The following SYAP1 variants were observed in gnomAD, a reference collection of about 807,000 sequenced individuals.
The protein encoded by SYAP1 is synapse-associated protein 1.
Under a neutral mutation model 29.6 loss-of-function variants are expected in SYAP1, and 3 were observed. The observed-to-expected ratio is 0.10, with a 90% CI of 0.05 to 0.26. SYAP1 has a LOEUF of 0.26. Among genes scored for constraint, SYAP1 ranks in the 10% least tolerant of loss-of-function variants. The pLI, the probability that SYAP1 is intolerant of heterozygous loss-of-function variation, is 1.00. For missense variants in SYAP1, 217 were observed against 264.1 expected (o/e 0.82, Z 1.24); for synonymous variants, 102 against 102.7 (o/e 0.99, Z 0.04).
Position 16,742,638 on chromosome X carries a change from A to G in SYAP1, c.435+849A>G, listed in dbSNP as rs143271139. ...TTTTGTTTTGTTTTTGTTTTAAGAG[A>G]CACAGTCTCAATTGGTCATCCAGGA... On this transcript the variant is annotated intron_variant, in intron 4 of 8. Transcript: ENST00000380155. Among the ~76,000 whole-genome samples the G allele has an allele frequency of 5.3e-3, 596 of 112,054 alleles. 7 individuals are homozygous for G. Among genetic ancestry groups the G allele is most frequent in the African/African-American group, 0.018 (557 of 30,884 alleles).
chrX:16,729,041 AAAAAAAAAAAG>A (rs1926145885), intron 1 of SYAP1, among the ~76,000 whole-genome samples: 1 of 89,086 alleles, frequency 1.1e-5, no homozygotes, highest in African/African-American at 4.3e-5. Flanking sequence ...GCTATCTCGA[AAAAAAAAAAAG>A]AAAAAAAAAA....
chrX:16,728,525 C>G (rs746964301), intron 1 of SYAP1, among the ~76,000 whole-genome samples: 5 of 110,472 alleles, frequency 4.5e-5, no homozygotes, highest in African/African-American at 1.6e-4. Context: ...CAAAATTAGG[C>G]ATGATGGCGG....
At chrX:16,745,411 C>T (rs1355986876) in intron 5 of SYAP1, among the ~76,000 whole-genome samples, 1 of 111,954 alleles carries the variant, frequency 8.9e-6, no homozygotes, top group East Asian at 2.8e-4. Context: ...CTGCAGACAA[C>T]TCAGTACAGT....
chrX:16,750,480 C>A lies in SYAP1; in HGVS notation c.576-4465C>A, dbSNP rs906036297. Among the ~76,000 whole-genome samples, 25 of 111,431 alleles carry A rather than the reference C, an allele frequency of 2.2e-4. 1 individual carries two copies. Among genetic ancestry groups the A allele is most frequent in the Non-Finnish European group, 4.3e-4 (23 of 53,143 alleles). On this transcript the variant is annotated intron_variant, in intron 5 of 8. Coordinates refer to ENST00000380155, the MANE Select transcript of SYAP1 (RefSeq NM_032796.4). ...GATGGCAGACAACTTGTCTTATTCC[C>A]CCAGCACCCAGCATAGCGCCTGATG...
intron 4 of SYAP1, 61 bp from the exon 5 acceptor site, chrX:16,743,640 A>G (rs898683437): frequency 9.0e-7 from 1 of 1,114,002 alleles, no homozygotes; most frequent in Non-Finnish European, 1.2e-6. Context: ...AAAAAAAAAA[A>G]TTGTTATCTA....
At chrX:16,750,087 C>T (rs1314466840) in intron 5 of SYAP1, among the ~76,000 whole-genome samples, 1 of 111,196 alleles carries the variant, frequency 9.0e-6, no homozygotes, top group Non-Finnish European at 1.9e-5. Flanking sequence ...TAATCCCTCA[C>T]CATCCAGGTG....
chrX:16,741,698 C>T lies in SYAP1; in HGVS notation c.362-18C>T. 1.7e-6 allele frequency: 2 copies of T among 1,157,959 alleles called. No homozygotes were observed. The highest frequency in any genetic ancestry group is 2.3e-6 in the Non-Finnish European group (2 of 859,609). On this transcript the variant is annotated intron_variant, in intron 3 of 8. Coordinates refer to ENST00000380155, the MANE Select transcript of SYAP1 (RefSeq NM_032796.4). The stretch of plus-strand genomic sequence containing the variant: ...CTATTTTTTTCTCTTTTCTTCTTTG[C>T]CATTAAAAACTGTATAGAAGCAGCT...
Position 16,719,666 on chromosome X carries a change from C to T in SYAP1, c.-59C>T, listed in dbSNP as rs1167212058. On this transcript the variant is annotated 5_prime_UTR_variant, in exon 1 of 9. Coordinates refer to ENST00000380155, the MANE Select transcript of SYAP1 (RefSeq NM_032796.4). Reference sequence around the variant, plus strand: ...GAGTCGCGCAGAGTGGAGTCAAAGGCAACCAGTGCTCGCTGCGGTCTCTGG... The same window carrying T: ...GAGTCGCGCAGAGTGGAGTCAAAGGTAACCAGTGCTCGCTGCGGTCTCTGG... The T allele has an allele frequency of 6.9e-6, 8 of 1,155,767 alleles. No homozygotes were observed. The highest frequency in any genetic ancestry group is 3.2e-5 in the East Asian group (1 of 31,700).
chrX:16,741,505 G>GT (rs11364120), intron 3 of SYAP1, among the ~76,000 whole-genome samples: 1,483 of 100,545 alleles, frequency 0.015, 33 homozygotes, highest in African/African-American at 0.051. Context: ...CTCAAGTAGA[G>GT]TTTTTTTTTT....
chrX:16,729,527 C>T (rs1926161398), intron 1 of SYAP1, among the ~76,000 whole-genome samples: 2 of 107,559 alleles, frequency 1.9e-5, no homozygotes, highest in African/African-American at 6.8e-5. Flanking sequence ...ACTTTGTCAC[C>T]CAGGCTGGAG....
chrX:16,756,995 C>T (rs767319956), intron 7 of SYAP1, among the ~76,000 whole-genome samples, 167 bp from the exon 8 acceptor site: 1 of 112,365 alleles, frequency 8.9e-6, no homozygotes, highest in Admixed American at 9.5e-5. Context: ...CATGTAGTTA[C>T]CAAGCAACTG....
chrX:16,741,564 A>G, intron 3 of SYAP1, 152 bp from the exon 4 acceptor site: 1 of 400,273 alleles, frequency 2.5e-6, no homozygotes, highest in Admixed American at 4.7e-5. Context: ...AAGTCTGGTT[A>G]TTACGGTTAA....
intron 5 of SYAP1, among the ~76,000 whole-genome samples, chrX:16,745,204 C>T (rs1315118329): frequency 8.9e-6 from 1 of 112,133 alleles, no homozygotes; most frequent in East Asian, 2.8e-4. Context: ...TGCCTGGCTG[C>T]AGGCAGGACA....
At chrX:16,720,363 C>T (rs1028220999) in intron 1 of SYAP1, among the ~76,000 whole-genome samples, 20 of 112,192 alleles carry the variant, frequency 1.8e-4, no homozygotes, top group African/African-American at 6.2e-4. Context: ...ATGTCTGCCC[C>T]GGTCAAATGC....
chrX:16,744,757 G>A (rs769425704), intron 5 of SYAP1, among the ~76,000 whole-genome samples: 24 of 111,099 alleles, frequency 2.2e-4, no homozygotes, highest in Admixed American at 1.8e-3. Context: ...ATGTGAGGCC[G>A]AGTTCGAGAC....
At chrX:16,740,347 T>C (rs891887693) in intron 3 of SYAP1, among the ~76,000 whole-genome samples, 8 of 108,476 alleles carry the variant, frequency 7.4e-5, no homozygotes, top group Non-Finnish European at 1.3e-4. Flanking sequence ...CATTTCTTTT[T>C]TTTTTTTTTT....
intron 1 of SYAP1, among the ~76,000 whole-genome samples, chrX:16,734,996 C>CAAAAAAAA (rs1213395857): frequency 5.0e-4 from 5 of 9,911 alleles, no homozygotes; most frequent in Admixed American, 1.5e-3. Context: ...GAGACTGTCT[C>CAAAAAAAA]AAAAAAAAAA....
intron 1 of SYAP1, among the ~76,000 whole-genome samples, chrX:16,723,571 G>A (rs1926014362): frequency 9.0e-6 from 1 of 111,224 alleles, no homozygotes; most frequent in Non-Finnish European, 1.9e-5. Flanking sequence ...CTGGAAGTGG[G>A]GCTACCTGGA....
intron 5 of SYAP1, among the ~76,000 whole-genome samples, chrX:16,745,769 T>G (rs1926586676): frequency 9.1e-6 from 1 of 109,508 alleles, no homozygotes; most frequent in Non-Finnish European, 1.9e-5. Flanking sequence ...CTGTCTGCCC[T>G]TGACATTTCC....
Sources: gnomAD v4.1 joint callset for allele counts (sites outside exome capture counted in the v4.1 genomes callset) on GRCh38, gnomAD v4.1.1 for gene constraint, MANE v1.5 for transcripts, NCBI Gene and HGNC (gene_info 2026-07-23, HGNC 2026-07-21) for gene names.